The following WDR49 variants were observed in gnomAD, a reference collection of about 807,000 sequenced individuals.
The protein encoded by WDR49 is cilia- and flagella-associated protein 337.
In WDR49, 107 loss-of-function variants were observed where a neutral mutation model predicts 119.5. The ratio of observed to expected loss-of-function variants is 0.90; its 90% CI spans 0.77 to 1.05. WDR49 has a LOEUF of 1.05. WDR49 is among the 50% of genes least tolerant of loss of function. The pLI is 0.00. For synonymous variants in WDR49, 425 were observed against 418.8 expected, an observed-to-expected ratio of 1.01 and a Z score of -0.18; for missense variants, 1,240 against 1,220.5, an observed-to-expected ratio of 1.02 and a Z score of -0.24.
chr3:167,620,638 A>G, intron 4 of WDR49, 35 bp from the exon 5 acceptor site: 2 of 1,499,962 alleles, frequency 1.3e-6, no homozygotes, highest in Non-Finnish European at 1.8e-6. Flanking sequence ...ACAATCGTGG[A>G]CGGGATATTT....
chr3:167,525,830 T>G (rs1448276578), intron 15 of WDR49, among the ~76,000 whole-genome samples: 2 of 143,962 alleles, frequency 1.4e-5, no homozygotes, highest in Non-Finnish European at 3.0e-5. Flanking sequence ...ATTCTAATTT[T>G]TGTTTTTTTG....
chr3:167,548,347 C>T (rs777867819), intron 10 of WDR49, among the ~76,000 whole-genome samples: 26 of 152,104 alleles, frequency 1.7e-4, no homozygotes, highest in South Asian at 4.1e-4. Flanking sequence ...GATAATGGCA[C>T]ATAGATTATC....
chr3:167,489,049 A>G (rs897328389), intron 18 of WDR49, among the ~76,000 whole-genome samples: 32 of 151,826 alleles, frequency 2.1e-4, no homozygotes, highest in African/African-American at 7.0e-4. Context: ...ATCTTGTTGT[A>G]TTTTCTTCTT....
intron 2 of WDR49, among the ~76,000 whole-genome samples, chr3:167,631,216 C>T (rs6444447): frequency 0.29 from 43,604 of 151,740 alleles, 6,524 homozygotes; most frequent in African/African-American, 0.39. Context: ...TGTATACCTA[C>T]ATATCAAACC....
At chr3:167,559,187 T>C (rs910776131) in intron 9 of WDR49, among the ~76,000 whole-genome samples, 3 of 152,152 alleles carry the variant, frequency 2.0e-5, no homozygotes, top group African/African-American at 7.2e-5. Flanking sequence ...TCTACCTACA[T>C]ATCCAGGTAG....
At chr3:167,531,056 T>G (rs1752833612) in intron 13 of WDR49, 59 bp downstream of exon 13, 2 of 1,540,172 alleles carry the variant, frequency 1.3e-6, no homozygotes, top group Non-Finnish European at 1.8e-6. Context: ...TAGAAATAGA[T>G]TGGATTTTCT....
chr3:167,550,523 G>A (rs924829954), intron 10 of WDR49, among the ~76,000 whole-genome samples: 1 of 151,888 alleles, frequency 6.6e-6, no homozygotes, highest in Non-Finnish European at 1.5e-5. Flanking sequence ...CTTTTAAGGA[G>A]ATAAAACCTT....
intron 2 of WDR49, among the ~76,000 whole-genome samples, chr3:167,646,552 T>C (rs1280065689): frequency 1.3e-5 from 2 of 152,208 alleles, no homozygotes; most frequent in African/African-American, 4.8e-5. Flanking sequence ...AAATGTTCTA[T>C]ATTCTTTGCA....
chr3:167,515,402 A>C (rs1021355371), intron 16 of WDR49, among the ~76,000 whole-genome samples: 1 of 152,214 alleles, frequency 6.6e-6, no homozygotes, highest in African/African-American at 2.4e-5. Flanking sequence ...GATTACCTCA[A>C]TAGGTACAGA....
At chr3:167,613,300 C>A (rs981674091) in intron 5 of WDR49, among the ~76,000 whole-genome samples, 1 of 152,100 alleles carries the variant, frequency 6.6e-6, no homozygotes, top group African/African-American at 2.4e-5. Context: ...GCAATTAATT[C>A]AATTACTTTT....
In WDR49 at chr3:167,560,210, C is replaced by G; in HGVS notation, c.1528G>C (p.Gly510Arg). Residue 510 changes from glycine (G) to arginine (R), a missense_variant, in exon 9 of 19, where the codon GGG (glycine) becomes CGG (arginine). Physicochemically the swap from Gly to Arg is moderately radical, Grantham distance 125 (BLOSUM62 -2). Coordinates refer to ENST00000682715, the MANE Select transcript of WDR49 (RefSeq NM_001366157.1). ...ATCATCCAGAAGGAAACAGTAGACC[C>G]TGTATCAGAGCTGATTACCTAAGAG... ...ILKQVISSDT[G>R]STVSFWMIDT... is the part of the protein sequence containing the mutation. 6.2e-7 allele frequency: 1 copy of G among 1,613,910 alleles called. No individual in the cohort carries two copies. Among genetic ancestry groups the G allele is most frequent in the Non-Finnish European group, 8.5e-7 (1 of 1,179,918 alleles).
At chr3:167,618,906 T>C (rs1009509484) in intron 5 of WDR49, among the ~76,000 whole-genome samples, 1 of 152,174 alleles carries the variant, frequency 6.6e-6, no homozygotes, top group Non-Finnish European at 1.5e-5. Flanking sequence ...GGTTACTTCA[T>C]TGGTATGGTT....
At chr3:167,603,590 G>A (rs1715883835) in intron 6 of WDR49, among the ~76,000 whole-genome samples, 3 of 152,070 alleles carry the variant, frequency 2.0e-5, no homozygotes. Flanking sequence ...TAGACCATGT[G>A]TATGCTCTGT....
chr3:167,640,762 G>A (rs1056218780), intron 2 of WDR49, among the ~76,000 whole-genome samples: 4 of 151,538 alleles, frequency 2.6e-5, no homozygotes, highest in African/African-American at 7.3e-5. Context: ...TTTTTTATTC[G>A]ATTACACAGA....
At chr3:167,505,162 TC>T (rs1166650089) in intron 17 of WDR49, 144 bp downstream of exon 17, 3 of 1,134,838 alleles carry the variant, frequency 2.6e-6, no homozygotes, top group Non-Finnish European at 3.3e-6. Context: ...CTCACTTTTC[TC>T]CTTTGTTAAA....
intron 5 of WDR49, among the ~76,000 whole-genome samples, chr3:167,606,935 T>G (rs558955143): frequency 6.6e-6 from 1 of 152,134 alleles, no homozygotes; most frequent in Admixed American, 6.6e-5. Context: ...TCCAAAGATA[T>G]ACAAGACACT....
intron 7 of WDR49, among the ~76,000 whole-genome samples, chr3:167,576,500 AG>A (rs1436861914): frequency 5.3e-5 from 8 of 152,278 alleles, no homozygotes; most frequent in African/African-American, 1.9e-4. Flanking sequence ...GTGGCAAAAG[AG>A]ATTCTGCAGA....
intron 5 of WDR49, among the ~76,000 whole-genome samples, chr3:167,614,206 A>G (rs536432287): frequency 3.3e-5 from 5 of 152,044 alleles, no homozygotes; most frequent in African/African-American, 1.2e-4. Context: ...GGTTCAAGCA[A>G]TTCTCATGCC....
intron 5 of WDR49, 34 bp downstream of exon 5, chr3:167,620,395 A>T: frequency 5.9e-6 from 9 of 1,518,348 alleles, no homozygotes; most frequent in Non-Finnish European, 7.9e-6. Flanking sequence ...GTCAGAGGTG[A>T]CCATTTACTT....
Sources: gnomAD v4.1 joint callset for allele counts (sites outside exome capture counted in the v4.1 genomes callset) on GRCh38, gnomAD v4.1.1 for gene constraint, MANE v1.5 for transcripts, NCBI Gene and HGNC (gene_info 2026-07-23, HGNC 2026-07-21) for gene names.